The following ZFAND6 variants were observed in gnomAD, a reference collection of about 807,000 sequenced individuals.
The protein encoded by ZFAND6 is AN1-type zinc finger protein 6.
Under a neutral mutation model 24.5 loss-of-function variants are expected in ZFAND6, and 12 were observed. The observed-to-expected ratio is 0.49, with a 90% CI of 0.31 to 0.79. ZFAND6 has a LOEUF of 0.79. Among genes scored for constraint, ZFAND6 ranks in the 30% least tolerant of loss-of-function variants. The pLI is 0.04. For synonymous variants in ZFAND6, 92 were observed against 81.5 expected (o/e 1.13, Z -0.69); for missense variants, 207 against 245.9 (o/e 0.84, Z 1.06).
intron 1 of ZFAND6, among the ~76,000 whole-genome samples, chr15:80,090,785 G>C (rs897272109): frequency 2.6e-5 from 4 of 152,174 alleles, no homozygotes; most frequent in African/African-American, 9.6e-5. Context: ...AATAGCAGGT[G>C]ATGGGATTTT....
intron 2 of ZFAND6, chr15:80,112,739 T>TA (rs1350915815): frequency 4.4e-6 from 2 of 455,858 alleles, no homozygotes; most frequent in South Asian, 3.1e-5. Context: ...TGCTGCTCCT[T>TA]ACCATCCCTC....
chr15:80,063,897 A>G (rs890197590), intron 1 of ZFAND6, among the ~76,000 whole-genome samples: 6 of 152,168 alleles, frequency 3.9e-5, no homozygotes, highest in African/African-American at 1.4e-4. Flanking sequence ...CATGTTGGCC[A>G]GGCTGGTCTT....
At chr15:80,101,503 T>C (rs2141944833) in intron 2 of ZFAND6, among the ~76,000 whole-genome samples, 1 of 152,256 alleles carries the variant, frequency 6.6e-6, no homozygotes, top group Middle Eastern at 3.4e-3. Context: ...CCTGCCTTCC[T>C]GTCTCAATCT....
intron 1 of ZFAND6, among the ~76,000 whole-genome samples, chr15:80,066,677 A>T (rs2036659685): frequency 6.6e-6 from 1 of 151,948 alleles, no homozygotes; most frequent in South Asian, 2.1e-4. Flanking sequence ...GGCTGAGATC[A>T]CTTGATGTCA....
At chr15:80,075,597 C>G (rs1328648816) in intron 1 of ZFAND6, among the ~76,000 whole-genome samples, 2 of 152,054 alleles carry the variant, frequency 1.3e-5, no homozygotes, top group African/African-American at 4.8e-5. Context: ...TTCAAAGTCT[C>G]TGTTGTTAGA....
chr15:80,129,548 A>G (rs1405393520), intron 5 of ZFAND6: 2 of 152,230 alleles, frequency 1.3e-5, no homozygotes, highest in East Asian at 3.8e-4. Flanking sequence ...GTAGTTGGGG[A>G]AATGAGGCAC....
At position 80,138,250 on chromosome 15, in the gene ZFAND6, T is replaced by G. The variant is rs1351430792; in HGVS notation, c.*622T>G. 6.5e-6 allele frequency: 1 copy of G among 152,676 alleles called. No individual in the cohort carries two copies. The highest frequency in any genetic ancestry group is 1.5e-5 in the Non-Finnish European group (1 of 68,056). 9.5% of individuals were successfully genotyped at this position (152,676 alleles called of 1,614,324 possible). A position where few individuals can be genotyped will look rare whatever the true frequency, so the allele number is the denominator to read the frequency against. The stretch of plus-strand genomic sequence containing the variant: ...GAAGAAAAAGCTGTATGCATTTCAT[T>G]GCTGTCTACAGGTTTCTTTCAGATT... On this transcript the variant is annotated 3_prime_UTR_variant, in exon 7 of 7. Transcript: ENST00000261749.
At chr15:80,059,320 C>A (rs1001185603), upstream of ZFAND6, among the ~76,000 whole-genome samples, 4 of 152,260 alleles carry the variant, frequency 2.6e-5, no homozygotes, top group African/African-American at 9.6e-5. Context: ...CCTACATAAC[C>A]AAGCCCTTAA....
chr15:80,068,800 C>A (rs139697314), intron 1 of ZFAND6, among the ~76,000 whole-genome samples: 5 of 152,268 alleles, frequency 3.3e-5, no homozygotes, highest in Admixed American at 6.5e-5. Context: ...TAGAAAACCA[C>A]ATGTGGCTCT....
At chr15:80,064,989 T>G (rs1596171099) in intron 1 of ZFAND6, among the ~76,000 whole-genome samples, 3 of 134,398 alleles carry the variant, frequency 2.2e-5, no homozygotes, top group African/African-American at 5.4e-5. Flanking sequence ...TCTCTTGCTC[T>G]CTCTCTCTCC....
rs149312627 is a variant in ZFAND6 at position 80,066,790 on chromosome 15, G to A, written c.-181+6981G>A. Among the ~76,000 whole-genome samples, 615 of 151,510 alleles carry A rather than the reference G, an allele frequency of 4.1e-3. 5 individuals carry two copies. Among genetic ancestry groups the A allele is most frequent in the African/African-American group, 0.014 (567 of 41,298 alleles). On this transcript the variant is annotated intron_variant, in intron 1 of 6. Transcript: ENST00000261749. Reference sequence around the variant, plus strand: ...CCGGTAGCTGTAATCCCAGCTACTCGGGAGGCTGAGGCAGGAGAATCACTT... The same window carrying A: ...CCGGTAGCTGTAATCCCAGCTACTCAGGAGGCTGAGGCAGGAGAATCACTT...
At chr15:80,124,317 T>A (rs2040278485) in intron 5 of ZFAND6, among the ~76,000 whole-genome samples, 1 of 152,000 alleles carries the variant, frequency 6.6e-6, no homozygotes, top group South Asian at 2.1e-4. Context: ...TCTGTAGTCC[T>A]AGCTACTGGG....
chr15:80,086,336 G>C (rs2038005569), intron 1 of ZFAND6, among the ~76,000 whole-genome samples: 1 of 152,154 alleles, frequency 6.6e-6, no homozygotes, highest in African/African-American at 2.4e-5. Context: ...CTTGCACCCG[G>C]CCTAAAACTT....
chr15:80,097,401 A>T (rs1039803130), intron 1 of ZFAND6, among the ~76,000 whole-genome samples: 1 of 152,110 alleles, frequency 6.6e-6, no homozygotes, highest in African/African-American at 2.4e-5. Context: ...TAATCCCAAC[A>T]CTTTGGGAAG....
At chr15:80,059,438 A>T (rs762311293), upstream of ZFAND6, 3 of 152,232 alleles carry the variant, frequency 2.0e-5, no homozygotes, top group Admixed American at 1.3e-4. Context: ...CTGGAGGTGC[A>T]GAAGGCGGAG....
chr15:80,077,721 A>T (rs1223219836), intron 1 of ZFAND6, among the ~76,000 whole-genome samples: 35 of 117,640 alleles, frequency 3.0e-4, no homozygotes, highest in Middle Eastern at 0.011. Context: ...TTTTTTGGAG[A>T]CAGAGTCTCG....
intron 1 of ZFAND6, among the ~76,000 whole-genome samples, chr15:80,090,240 C>G (rs917503153): frequency 2.6e-5 from 4 of 152,144 alleles, no homozygotes; most frequent in Non-Finnish European, 5.9e-5. Context: ...TACCTAAGTA[C>G]TCAAGAAATG....
chr15:80,128,200 A>C (rs1189114183), intron 5 of ZFAND6, among the ~76,000 whole-genome samples: 1 of 152,370 alleles, frequency 6.6e-6, no homozygotes, highest in African/African-American at 2.4e-5. Flanking sequence ...TAATGAGTAC[A>C]GAGTTTTCCC....
intron 1 of ZFAND6, chr15:80,060,024 G>C (rs1430978956): frequency 6.6e-6 from 1 of 151,542 alleles, no homozygotes; most frequent in Non-Finnish European, 1.5e-5. Context: ...GGGGGTGGGG[G>C]CCGGAGATCG....
Sources: allele counts gnomAD v4.1 joint callset (sites outside exome capture counted in the v4.1 genomes callset), GRCh38; gene constraint gnomAD v4.1.1; transcripts MANE v1.5; gene names NCBI Gene and HGNC (gene_info 2026-07-23, HGNC 2026-07-21).